Variants in MAP3K4 observed in about 807,000 individuals in gnomAD.
The protein encoded by MAP3K4 is MAP three kinase 1.
In MAP3K4, 67 loss-of-function variants were observed where a neutral mutation model predicts 185.6. The observed-to-expected ratio is 0.36, with a 90% CI of 0.30 to 0.44. The LOEUF (loss-of-function observed/expected upper bound fraction) is 0.44. MAP3K4 is among the 20% of genes least tolerant of loss of function. The pLI is 1.00. For synonymous variants in MAP3K4, 702 were observed against 710.4 expected, an observed-to-expected ratio of 0.99 and a Z score of 0.19; for missense variants, 1,551 against 1,995.1, an observed-to-expected ratio of 0.78 and a Z score of 4.24.
At position 161,056,124 on chromosome 6, in the gene MAP3K4, G is replaced by C. The variant is rs1402318257; in HGVS notation, c.1707+6145G>C. Among the ~76,000 whole-genome samples the C allele has an allele frequency of 1.3e-5, 2 of 152,164 alleles. No homozygotes were observed. The highest frequency in any genetic ancestry group is 6.5e-5 in the Admixed American group (1 of 15,284). On this transcript the variant is annotated intron_variant, in intron 3 of 26. Transcript: ENST00000392142. This position sits in a 1 kb window ranked among gnomAD's most constrained non-coding sequence, Gnocchi z 5.4. ...ATTGGAGCTCTTTCAGTTGCCTTCT[G>C]TGTCGTTTGATATGCTCCCCTCTTT...
intron 1 of MAP3K4, among the ~76,000 whole-genome samples, chr6:161,027,495 C>T (rs951828627): frequency 1.3e-5 from 2 of 152,118 alleles, no homozygotes; most frequent in Non-Finnish European, 2.9e-5. Context: ...GAAGAAAAAT[C>T]ATGAACATCC....
chr6:161,028,348 A>G (rs1404367878), intron 1 of MAP3K4, among the ~76,000 whole-genome samples: 1 of 151,150 alleles, frequency 6.6e-6, no homozygotes, highest in Non-Finnish European at 1.5e-5. Context: ...TATTCTTACT[A>G]GTAAGTGTGG....
chr6:161,002,692 T>C (rs1007609707), intron 1 of MAP3K4, among the ~76,000 whole-genome samples: 10 of 146,244 alleles, frequency 6.8e-5, no homozygotes, highest in Non-Finnish European at 1.0e-4. Flanking sequence ...CCTGGGTTCA[T>C]GCCATTCTCC....
At chr6:160,995,748 C>G (rs1005744460) in intron 1 of MAP3K4, among the ~76,000 whole-genome samples, 1 of 152,072 alleles carries the variant, frequency 6.6e-6, no homozygotes, top group Non-Finnish European at 1.5e-5. Context: ...CCTGAGGTGA[C>G]TAGGAGAGCT....
rs1782423909 is a variant in MAP3K4, at chr6:161,022,050, T to C, written c.153-12209T>C. The C allele has an allele frequency of 6.6e-6, 1 of 152,196 alleles. No individual in the cohort carries two copies. Among genetic ancestry groups the C allele is most frequent in the Admixed American group, 6.5e-5 (1 of 15,284 alleles). The allele number at this position is 152,196 out of a possible 1,614,324, so 9.4% of individuals were successfully genotyped here. A position where few individuals can be genotyped will look rare whatever the true frequency, so the allele number is the denominator to read the frequency against. ...GAAAAAGAAAAAAGAAGAGTTGTTG[T>C]TAATTCAAAATTACCGTTCCCTAGT... On this transcript the variant is annotated intron_variant, in intron 1 of 26. Coordinates refer to ENST00000392142, the MANE Select transcript of MAP3K4 (RefSeq NM_005922.4). The surrounding 1 kb of genome is among the most constrained non-coding windows in gnomAD (Gnocchi z 4.2).
At chr6:161,111,809 C>G (rs768055535) in intron 23 of MAP3K4, 27 bp from the exon 24 acceptor site, 1 of 1,557,092 alleles carries the variant, frequency 6.4e-7, no homozygotes, top group Non-Finnish European at 8.6e-7. Flanking sequence ...TCAGAGGCTG[C>G]GTAACAACTA....
At chr6:161,027,502 A>G (rs1014730028) in intron 1 of MAP3K4, among the ~76,000 whole-genome samples, 4 of 152,196 alleles carry the variant, frequency 2.6e-5, no homozygotes, top group African/African-American at 7.2e-5. Flanking sequence ...AATCATGAAC[A>G]TCCAGAAAAA....
In MAP3K4 at chr6:161,049,028, GT is replaced by G; in HGVS notation, c.757del (p.Ser253LeufsTer11). On this transcript the variant is annotated frameshift_variant, in exon 3 of 27. Transcript: ENST00000392142. LOFTEE classifies it high-confidence loss of function. This position sits in a 1 kb window ranked among gnomAD's most constrained non-coding sequence, Gnocchi z 8.4. The part of the protein sequence containing the change: ...DREQRGQENT[S>X]GFWLNRSNEL... ...GGGAGCAAAGAGGACAAGAAAATAC[GT>G]CTGGTTTCTGGCTTAACCGATCTAA... The G allele has an allele frequency of 6.2e-7, 1 of 1,614,016 alleles. No individual in the cohort carries two copies. Among genetic ancestry groups the G allele is most frequent in the Non-Finnish European group, 8.5e-7 (1 of 1,179,916 alleles).
chr6:160,999,742 C>T (rs189897861), intron 1 of MAP3K4, among the ~76,000 whole-genome samples: 1 of 152,198 alleles, frequency 6.6e-6, no homozygotes, highest in Non-Finnish European at 1.5e-5. Flanking sequence ...CTCCAGCCAC[C>T]TGCCATACAT....
Position 161,084,875 on chromosome 6 carries a change from G to A in MAP3K4, c.2372+258G>A, listed in dbSNP as rs575935262. 1.1e-3 allele frequency among the ~76,000 whole-genome samples: 164 copies of A among 152,240 alleles called. 1 individual carries two copies. The highest frequency in any genetic ancestry group is 1.7e-3 in the Non-Finnish European group (115 of 68,018). ...AAAATAGTGCCAACTGGCTGGGCGCGGTGGCTCACGCCTGTAATCCCAGTA... is the reference window on the plus strand; with the variant it reads ...AAAATAGTGCCAACTGGCTGGGCGCAGTGGCTCACGCCTGTAATCCCAGTA... On this transcript the variant is annotated intron_variant, in intron 7 of 26. Transcript: ENST00000392142. This position sits in a 1 kb window ranked among gnomAD's most constrained non-coding sequence, Gnocchi z 4.6.
rs550303928 is a variant in MAP3K4, at chr6:161,108,549, G to A, written c.4120-194G>A. The stretch of plus-strand genomic sequence containing the variant: ...CAGGGCCTCTTCCTCCTCTGTGCCC[G>A]GGACCTACCCGCACTTCTATGACTT... On this transcript the variant is annotated intron_variant, in intron 21 of 26. Transcript: ENST00000392142. This position sits in a 1 kb window ranked among gnomAD's most constrained non-coding sequence, Gnocchi z 5.7. Among the ~76,000 whole-genome samples, 18 of 152,190 alleles carry A rather than the reference G, an allele frequency of 1.2e-4. No homozygotes were observed. The highest frequency in any genetic ancestry group is 3.9e-4 in the East Asian group (2 of 5,170).
chr6:161,101,864 A>G lies in MAP3K4; in HGVS notation c.3675-28A>G. 3 of 1,534,258 alleles carry G rather than the reference A, an allele frequency of 2.0e-6. No individual in the cohort carries two copies. The highest frequency in any genetic ancestry group is 2.7e-6 in the Non-Finnish European group (3 of 1,108,412). Reference sequence around the variant, plus strand: ...TCATTTTAAGTTCTATTGAATTGATAGCTCAATTATTAAAAATATTAAAAC... The same window carrying G: ...TCATTTTAAGTTCTATTGAATTGATGGCTCAATTATTAAAAATATTAAAAC... On this transcript the variant is annotated intron_variant, in intron 17 of 26. Coordinates refer to ENST00000392142, the MANE Select transcript of MAP3K4 (RefSeq NM_005922.4). This position sits in a 1 kb window ranked among gnomAD's most constrained non-coding sequence, Gnocchi z 5.1.
At position 161,075,524 on chromosome 6, in the gene MAP3K4, T is replaced by A. The variant is rs1165237293; in HGVS notation, c.2097+1912T>A. Among the ~76,000 whole-genome samples the A allele has an allele frequency of 6.6e-6, 1 of 152,164 alleles. No individual in the cohort carries two copies. Among genetic ancestry groups the A allele is most frequent in the Admixed American group, 6.5e-5 (1 of 15,274 alleles). On this transcript the variant is annotated intron_variant, in intron 5 of 26. Coordinates refer to ENST00000392142, the MANE Select transcript of MAP3K4 (RefSeq NM_005922.4). This position sits in a 1 kb window ranked among gnomAD's most constrained non-coding sequence, Gnocchi z 4.3. Reference sequence around the variant, plus strand: ...TTGTGGAAAAAAGCAACAAGCAAATTATTATTTTTCTCTCTTTATGGGTAA... The same window carrying A: ...TTGTGGAAAAAAGCAACAAGCAAATAATTATTTTTCTCTCTTTATGGGTAA...
At chr6:161,036,391 G>T (rs998424393) in intron 2 of MAP3K4, among the ~76,000 whole-genome samples, 6 of 152,042 alleles carry the variant, frequency 3.9e-5, no homozygotes, top group Non-Finnish European at 8.8e-5. Context: ...TGTGTTTGTT[G>T]CAGGAAATTC....
In MAP3K4 at chr6:161,077,389, G is replaced by A. The variant is rs1025245059; in HGVS notation, c.2098-3492G>A. 3.3e-5 allele frequency among the ~76,000 whole-genome samples: 5 copies of A among 152,230 alleles called. No homozygotes were observed. In the East Asian group the frequency reaches 9.6e-4, roughly 29 times the overall value. ...CATTTGTTTATTCTGGGTGATACTT[G>A]TAGAATACTTTTTAGAATTTTTTTA... On this transcript the variant is annotated intron_variant, in intron 5 of 26. Coordinates refer to ENST00000392142, the MANE Select transcript of MAP3K4 (RefSeq NM_005922.4). The surrounding 1 kb of genome is among the most constrained non-coding windows in gnomAD (Gnocchi z 4.3).
Position 161,098,112 on chromosome 6 carries a change from G to C in MAP3K4, c.3525-166G>C. 1.2e-6 allele frequency: 1 copy of C among 804,750 alleles called. No individual in the cohort carries two copies. The highest frequency in any genetic ancestry group is 2.6e-5 in the East Asian group (1 of 37,744). The allele number at this position is 804,750 out of a possible 1,614,324, so 49.9% of individuals were successfully genotyped here. On this transcript the variant is annotated intron_variant, in intron 16 of 26. Transcript: ENST00000392142. This position sits in a 1 kb window ranked among gnomAD's most constrained non-coding sequence, Gnocchi z 4.4. ...AAAAAAAAGAAAAGCTTTGAAGTTA[G>C]GTTTTTTCTTTTTTACACCTAGACT...
intron 2 of MAP3K4, among the ~76,000 whole-genome samples, chr6:161,046,957 A>G (rs965853010): frequency 1.3e-3 from 187 of 147,558 alleles, no homozygotes; most frequent in African/African-American, 4.4e-3. Flanking sequence ...AATATATATA[A>G]TAAAATTCTT....
chr6:161,012,541 T>G (rs538842850), intron 1 of MAP3K4, among the ~76,000 whole-genome samples: 3 of 152,220 alleles, frequency 2.0e-5, no homozygotes, highest in Non-Finnish European at 4.4e-5. Context: ...ATCATATAAG[T>G]GGCATAACTT....
At position 161,070,689 on chromosome 6, in the gene MAP3K4, A is replaced by C. The variant is rs757157010; in HGVS notation, c.1789A>C (p.Ser597Arg). The change falls in exon 4 of 27, where the codon AGT (serine) becomes CGT (arginine). Residue 597 changes from serine (S) to arginine (R), a missense_variant. Transcript: ENST00000392142. The surrounding 1 kb of genome is among the most constrained non-coding windows in gnomAD (Gnocchi z 4.5). ...ACCACCTTCATCTGAGGAGAAATGC[A>C]GTGCTGTGTCGTGGGAGGAGCTGAA... ...RTPPSSEEKC[S>R]AVSWEELKAM... is the part of the protein sequence containing the mutation. 9.9e-6 allele frequency: 16 copies of C among 1,614,022 alleles called. No individual in the cohort carries two copies. In the Admixed American group the frequency reaches 1.3e-4, roughly 13 times the overall value.
Sources: gnomAD v4.1 joint callset for allele counts (sites outside exome capture counted in the v4.1 genomes callset) on GRCh38, gnomAD v4.1.1 for gene constraint, Gnocchi (gnomAD v3.1) non-coding constraint, MANE v1.5 for transcripts, NCBI Gene and HGNC (gene_info 2026-07-23, HGNC 2026-07-21) for gene names.